The following SYT1 variants were observed in gnomAD, a reference collection of about 807,000 sequenced individuals.
The protein encoded by SYT1 is synaptotagmin 1.
A neutral mutation model predicts 44.8 loss-of-function variants in SYT1; 8 were observed. That is an observed-to-expected ratio of 0.18 (90% CI 0.10 to 0.32). SYT1 has a LOEUF of 0.32. Among genes scored for constraint, SYT1 ranks in the 10% least tolerant of loss-of-function variants. The pLI, the probability that SYT1 is intolerant of heterozygous loss-of-function variation, is 1.00. For synonymous variants in SYT1, 154 were observed against 188.8 expected (o/e 0.82, Z 1.51); for missense variants, 286 against 509.3 (o/e 0.56, Z 4.22).
chr12:78,911,576 A>G (rs149418783), intron 1 of SYT1, among the ~76,000 whole-genome samples: 1 of 150,238 alleles, frequency 6.7e-6, no homozygotes, highest in Admixed American at 6.7e-5. Context: ...CAAAAAAAAA[A>G]CAGTCTCCTT....
Position 79,449,394 on chromosome 12 carries a change from G to C in SYT1, c.*270G>C. The C allele has an allele frequency of 4.6e-6, 2 of 434,926 alleles. No homozygotes were observed. Among genetic ancestry groups the C allele is most frequent in the Non-Finnish European group, 8.3e-6 (2 of 239,608 alleles). 26.9% of individuals were successfully genotyped at this position (434,926 alleles called of 1,614,324 possible). A position where few individuals can be genotyped will look rare whatever the true frequency, so the allele number is the denominator to read the frequency against. ...ATGAAATTATTTATTGTATCACACT[G>C]TTGTATATACCAGTATGCTAAAGAT... On this transcript the variant is annotated 3_prime_UTR_variant, in exon 11 of 11. Transcript: ENST00000261205.
chr12:79,080,334 A>G (rs1287190313), intron 3 of SYT1, among the ~76,000 whole-genome samples: 1 of 152,116 alleles, frequency 6.6e-6, no homozygotes, highest in Admixed American at 6.6e-5. Flanking sequence ...ACAACCACGA[A>G]CCTCAATATG....
At chr12:79,148,556 G>T (rs2138248753) in intron 3 of SYT1, among the ~76,000 whole-genome samples, 1 of 152,124 alleles carries the variant, frequency 6.6e-6, no homozygotes, top group East Asian at 1.9e-4. Flanking sequence ...CAAAAATAAA[G>T]AGTATTGTAA....
rs529426801 is a variant in SYT1, at chr12:79,274,578, T to G, written c.167-11209T>G. ...TGGGCAGCCGCAGCGCAAACTTGGC[T>G]CACCCAACCCCCACACAGCTTCACC... On this transcript the variant is annotated intron_variant, in intron 4 of 10. Transcript: ENST00000261205. Among the ~76,000 whole-genome samples the G allele has an allele frequency of 2.0e-5, 3 of 152,278 alleles. No homozygotes were observed. In the East Asian group the frequency reaches 5.8e-4, roughly 29 times the overall value.
intron 1 of SYT1, among the ~76,000 whole-genome samples, chr12:78,881,189 T>A (rs1311568499): frequency 1.3e-5 from 2 of 151,598 alleles, no homozygotes; most frequent in South Asian, 2.1e-4. Flanking sequence ...GTCACAGTAC[T>A]TGTCACCCCC....
chr12:79,352,588 A>G (rs756971009), intron 8 of SYT1, among the ~76,000 whole-genome samples: 1 of 152,188 alleles, frequency 6.6e-6, no homozygotes, highest in Non-Finnish European at 1.5e-5. Context: ...TCTCATGCTT[A>G]TAAATATGAA....
chr12:78,896,057 G>T (rs1193225186), intron 1 of SYT1, among the ~76,000 whole-genome samples: 3 of 151,650 alleles, frequency 2.0e-5, no homozygotes, highest in African/African-American at 7.3e-5. Flanking sequence ...TCAATTTCTG[G>T]CATATAGTCT....
intron 2 of SYT1, among the ~76,000 whole-genome samples, chr12:79,034,678 G>A (rs1229621032): frequency 6.6e-6 from 1 of 151,622 alleles, no homozygotes; most frequent in Non-Finnish European, 1.5e-5. Context: ...TTTAAACTAT[G>A]CTGCTTCTCC....
intron 9 of SYT1, among the ~76,000 whole-genome samples, chr12:79,384,414 T>A (rs1439975810): frequency 2.0e-5 from 3 of 152,168 alleles, no homozygotes; most frequent in Non-Finnish European, 4.4e-5. Flanking sequence ...ATTTGAACAG[T>A]TTAGTATTAA....
chr12:78,991,995 G>T (rs1870053511), intron 2 of SYT1, among the ~76,000 whole-genome samples: 1 of 152,094 alleles, frequency 6.6e-6, no homozygotes, highest in Non-Finnish European at 1.5e-5. Context: ...GCAAGTTAAG[G>T]TCCAGGCTCC....
intron 4 of SYT1, 117 bp downstream of exon 4, chr12:79,217,802 A>T (rs1004128758): frequency 2.6e-6 from 2 of 762,312 alleles, no homozygotes; most frequent in Non-Finnish European, 3.8e-6. Flanking sequence ...ATTTATTACT[A>T]TGGGAATGAT....
rs191887410 is a variant in SYT1, at chr12:79,445,333, T to C, written c.1062+1127T>C. ...TTGGGAACAGTCAATATCCTACTTG[T>C]AGCTATTTGAAATTATATCATATGT... On this transcript the variant is annotated intron_variant, in intron 10 of 10. Coordinates refer to ENST00000261205, the MANE Select transcript of SYT1 (RefSeq NM_005639.3). 7.3e-4 allele frequency among the ~76,000 whole-genome samples: 111 copies of C among 152,174 alleles called. No individual in the cohort carries two copies. In the East Asian group the frequency reaches 0.017, roughly 23 times the overall value.
intron 4 of SYT1, among the ~76,000 whole-genome samples, chr12:79,239,832 T>C (rs1876396787): frequency 6.6e-6 from 1 of 152,184 alleles, no homozygotes; most frequent in Non-Finnish European, 1.5e-5. Flanking sequence ...TCCTTGAAAT[T>C]ACAGGACTGA....
chr12:79,178,815 T>C lies in SYT1; in HGVS notation c.-17-38688T>C, dbSNP rs1872067639. Among the ~76,000 whole-genome samples, 4 of 149,952 alleles carry C rather than the reference T, an allele frequency of 2.7e-5. No homozygotes were observed. The Admixed American group carries it at 2.7e-4, about 10-fold the overall frequency. On this transcript the variant is annotated intron_variant, in intron 3 of 10. Coordinates refer to ENST00000261205, the MANE Select transcript of SYT1 (RefSeq NM_005639.3). Reference sequence around the variant, plus strand: ...TTTTTGAGATGGAATTTCGCTCTTATAGCCCAGGCTGGAGTGCGATGGCGT... The same window carrying C: ...TTTTTGAGATGGAATTTCGCTCTTACAGCCCAGGCTGGAGTGCGATGGCGT...
chr12:79,361,756 A>G (rs2136025851), intron 9 of SYT1, among the ~76,000 whole-genome samples: 1 of 152,340 alleles, frequency 6.6e-6, no homozygotes, highest in African/African-American at 2.4e-5. Context: ...CAAAACAGTG[A>G]CATTTCAGCT....
intron 1 of SYT1, among the ~76,000 whole-genome samples, chr12:78,869,209 T>A (rs1873694994): frequency 6.6e-6 from 1 of 151,466 alleles, no homozygotes; most frequent in Non-Finnish European, 1.5e-5. Flanking sequence ...ATTTAACATT[T>A]CCAAAAAAAA....
At chr12:79,275,911 C>G (rs1261463878) in intron 4 of SYT1, among the ~76,000 whole-genome samples, 3 of 152,140 alleles carry the variant, frequency 2.0e-5, no homozygotes, top group Non-Finnish European at 2.9e-5. Flanking sequence ...ACATCCAGTA[C>G]ATAGCTACTA....
intron 4 of SYT1, among the ~76,000 whole-genome samples, chr12:79,218,724 G>T (rs972839329): frequency 6.6e-6 from 1 of 152,060 alleles, no homozygotes. Flanking sequence ...ATAGCTGAAT[G>T]GTATCTCTCA....
At chr12:79,156,181 A>G (rs1397125902) in intron 3 of SYT1, among the ~76,000 whole-genome samples, 1 of 152,178 alleles carries the variant, frequency 6.6e-6, no homozygotes, top group Non-Finnish European at 1.5e-5. Flanking sequence ...AGGGTTTGAC[A>G]GAATGAACTG....
Sources: allele counts gnomAD v4.1 joint callset (sites outside exome capture counted in the v4.1 genomes callset), GRCh38; gene constraint gnomAD v4.1.1; transcripts MANE v1.5; gene names NCBI Gene and HGNC (gene_info 2026-07-23, HGNC 2026-07-21).